The following RBM19 variants were observed in gnomAD, a reference collection of about 807,000 sequenced individuals.
The protein encoded by RBM19 is probable RNA-binding protein 19.
Under a neutral mutation model 116.8 loss-of-function variants are expected in RBM19, and 94 were observed. The observed-to-expected ratio is 0.80, with a 90% CI of 0.68 to 0.95. The LOEUF (loss-of-function observed/expected upper bound fraction) is 0.95, where lower values mean the gene tolerates loss of function less well. Among genes scored for constraint, RBM19 ranks in the 40% least tolerant of loss-of-function variants. RBM19 has a pLI of 0.00. For missense variants in RBM19, 1,161 were observed against 1,220.7 expected (o/e 0.95, Z 0.73); for synonymous variants, 475 against 494.1 (o/e 0.96, Z 0.51).
At chr12:113,936,816 G>T in intron 16 of RBM19, 191 bp downstream of exon 16, 1 of 643,622 alleles carries the variant, frequency 1.6e-6, no homozygotes, top group Non-Finnish European at 2.5e-6. Flanking sequence ...AAAGCATATT[G>T]CATCCATAAT....
At chr12:113,953,019 CT>C (rs1242596437) in intron 7 of RBM19, among the ~76,000 whole-genome samples, 1 of 152,166 alleles carries the variant, frequency 6.6e-6, no homozygotes, top group Non-Finnish European at 1.5e-5. Context: ...ATGGTTGATA[CT>C]GAAAGAATTC....
intron 21 of RBM19, among the ~76,000 whole-genome samples, chr12:113,885,754 G>C (rs532052591): frequency 3.3e-5 from 5 of 152,146 alleles, no homozygotes; most frequent in East Asian, 1.9e-4. Context: ...TATGAGTGAA[G>C]GGTATCTGGA....
chr12:113,871,205 C>A (rs368507792), intron 21 of RBM19, among the ~76,000 whole-genome samples: 1 of 152,258 alleles, frequency 6.6e-6, no homozygotes, highest in Non-Finnish European at 1.5e-5. Flanking sequence ...GAGCCCCTGG[C>A]AAACAAAATG....
At chr12:113,862,737 G>T (rs1315731365) in intron 21 of RBM19, among the ~76,000 whole-genome samples, 2 of 152,120 alleles carry the variant, frequency 1.3e-5, no homozygotes, top group African/African-American at 4.8e-5. Context: ...CGCTCGGGGG[G>T]AAGGAGATGC....
At chr12:113,920,976 G>A (rs992020544) in intron 18 of RBM19, among the ~76,000 whole-genome samples, 1 of 152,192 alleles carries the variant, frequency 6.6e-6, no homozygotes, top group Non-Finnish European at 1.5e-5. Flanking sequence ...TTGGGAGGGA[G>A]ACTGACCTAA....
intron 11 of RBM19, 88 bp from the exon 12 acceptor site, chr12:113,946,563 T>C: frequency 6.4e-7 from 1 of 1,567,110 alleles, no homozygotes. Context: ...CTGCCACGAG[T>C]AAGCTGGACC....
chr12:113,898,708 T>G lies in RBM19; in HGVS notation c.2558+16261A>C, dbSNP rs571655421. Among the ~76,000 whole-genome samples, 2 of 152,344 alleles carry G rather than the reference T, an allele frequency of 1.3e-5. No individual in the cohort carries two copies. The highest frequency in any genetic ancestry group is 4.2e-4 in the South Asian group (2 of 4,816). The stretch of plus-strand genomic sequence containing the variant: ...TTCTCATCCTGCACAAGCACTTACT[T>G]ATGCAAACAGGCATTCTCTGCATTA... On this transcript the variant is annotated intron_variant, in intron 21 of 23. Transcript: ENST00000261741. The surrounding 1 kb of genome is among the most constrained non-coding windows in gnomAD (Gnocchi z 4.3).
intron 16 of RBM19, among the ~76,000 whole-genome samples, chr12:113,928,965 T>C (rs909826334): frequency 1.1e-4 from 16 of 152,134 alleles, no homozygotes; most frequent in African/African-American, 3.9e-4. Context: ...GTTCTCAGGC[T>C]GTGCCTTCAC....
chr12:113,927,071 C>T lies in RBM19; in HGVS notation c.2227G>A (p.Glu743Lys). ...FIKNLNFDTT[E>K]EKLKEVFSKV... ...CCACTCACTTCCTTCAGCTTCTCTT[C>T]TGTTGTGTCAAAATTGAGATTCTTA... The change falls in exon 17 of 24, where the codon GAA becomes AAA. Residue 743 changes from glutamate (E) to lysine (K), a missense_variant. By Grantham distance (56) the Glu-to-Lys change is moderately conservative. Transcript: ENST00000261741. 3 of 1,613,496 alleles carry T rather than the reference C, an allele frequency of 1.9e-6. No homozygotes were observed. Among genetic ancestry groups the T allele is most frequent in the Non-Finnish European group, 2.5e-6 (3 of 1,179,944 alleles).
chr12:113,823,710 C>T (rs1874619415), intron 23 of RBM19, among the ~76,000 whole-genome samples: 1 of 152,058 alleles, frequency 6.6e-6, no homozygotes, highest in Non-Finnish European at 1.5e-5. Context: ...AAAGGATTCC[C>T]TTGAGAAAAA....
At chr12:113,918,098 C>G (rs986957327) in intron 20 of RBM19, among the ~76,000 whole-genome samples, 16 of 151,740 alleles carry the variant, frequency 1.1e-4, no homozygotes, top group Non-Finnish European at 1.0e-4. Context: ...GTGTTGTTTG[C>G]CTGTTTCTCC....
At position 113,966,281 on chromosome 12, in the gene RBM19, C is replaced by A. The variant is rs1872864902; in HGVS notation, c.-54G>T. ...AACACGACTGGTCAGCGTCTTCCAC[C>A]AAGTTTCACGCTACCGCCCTGGGCG... is the stretch of plus-strand genomic sequence containing the variant. On this transcript the variant is annotated 5_prime_UTR_variant, in exon 1 of 24. Coordinates refer to ENST00000261741, the MANE Select transcript of RBM19 (RefSeq NM_016196.4). The A allele has an allele frequency of 6.3e-7, 1 of 1,599,148 alleles. No individual in the cohort carries two copies. The highest frequency in any genetic ancestry group is 8.5e-7 in the Non-Finnish European group (1 of 1,174,936).
At chr12:113,923,673 C>G (rs561371830) in intron 18 of RBM19, among the ~76,000 whole-genome samples, 1 of 152,368 alleles carries the variant, frequency 6.6e-6, no homozygotes, top group East Asian at 1.9e-4. Context: ...TGAGTGGCCT[C>G]TGAACACCTT....
rs1565967057 is a variant in RBM19, at chr12:113,840,287, CTCT to C, written c.2785+4378_2785+4380del. Among the ~76,000 whole-genome samples, 5 of 152,334 alleles carry C rather than the reference CTCT, an allele frequency of 3.3e-5. No homozygotes were observed. In the South Asian group the frequency reaches 1.0e-3, roughly 32 times the overall value. ...AACTCTCAGGCCACCTTCTTGCCCC[CTCT>C]TCCTGGTCCACACAGGTGAGGCCAG... is the stretch of plus-strand genomic sequence containing the variant. On this transcript the variant is annotated intron_variant, in intron 23 of 23. Coordinates refer to ENST00000261741, the MANE Select transcript of RBM19 (RefSeq NM_016196.4).
intron 20 of RBM19, among the ~76,000 whole-genome samples, chr12:113,916,009 T>C (rs1160532973): frequency 1.3e-5 from 2 of 152,224 alleles, no homozygotes; most frequent in African/African-American, 2.4e-5. Flanking sequence ...TAGTACATTA[T>C]ACATTTAATC....
chr12:113,862,660 C>T (rs56788604), intron 21 of RBM19, among the ~76,000 whole-genome samples: 3,198 of 152,150 alleles, frequency 0.021, 52 homozygotes, highest in African/African-American at 0.043. Context: ...CTGCGCAGGG[C>T]CACCAGGGAC....
At chr12:113,948,093 C>G (rs1871191186) in intron 10 of RBM19, among the ~76,000 whole-genome samples, 1 of 152,196 alleles carries the variant, frequency 6.6e-6, no homozygotes, top group South Asian at 2.1e-4. Context: ...ATGGCATGCT[C>G]CACTCAGGGC....
At chr12:113,951,257 C>T (rs916782670) in intron 8 of RBM19, among the ~76,000 whole-genome samples, 1 of 152,166 alleles carries the variant, frequency 6.6e-6, no homozygotes, top group African/African-American at 2.4e-5. Context: ...AGCTGCTTTT[C>T]AACATTTCAT....
At chr12:113,923,195 T>C (rs1868740930) in intron 18 of RBM19, among the ~76,000 whole-genome samples, 1 of 152,204 alleles carries the variant, frequency 6.6e-6, no homozygotes, top group Non-Finnish European at 1.5e-5. Flanking sequence ...TATGATTGGA[T>C]GACTGCTGTT....
Sources: allele counts gnomAD v4.1 joint callset (sites outside exome capture counted in the v4.1 genomes callset), GRCh38; gene constraint gnomAD v4.1.1; non-coding constraint Gnocchi (gnomAD v3.1); transcripts MANE v1.5; gene names NCBI Gene and HGNC (gene_info 2026-07-23, HGNC 2026-07-21).